The following ZFYVE1 variants were observed in gnomAD, a reference collection of about 807,000 sequenced individuals.
ZFYVE1 encodes the protein zinc finger FYVE domain-containing protein 1.
A neutral mutation model predicts 74.4 loss-of-function variants in ZFYVE1; 30 were observed. The ratio of observed to expected loss-of-function variants is 0.40; its 90% confidence interval spans 0.30 to 0.55. The LOEUF (loss-of-function observed/expected upper bound fraction) is 0.55. ZFYVE1 is among the 20% of genes least tolerant of loss of function. ZFYVE1 has a pLI of 0.42. For missense variants in ZFYVE1, 703 were observed against 1,011.6 expected (o/e 0.69, Z 4.14); for synonymous variants, 335 against 385.1 (o/e 0.87, Z 1.52).
chr14:72,970,061 C>A lies in ZFYVE1; in HGVS notation c.*821G>T. The A allele has an allele frequency of 2.9e-6, 1 of 342,368 alleles. No individual in the cohort carries two copies. The highest frequency in any genetic ancestry group is 4.0e-5 in the South Asian group (1 of 24,710). 21.2% of individuals were successfully genotyped at this position (342,368 alleles called of 1,614,324 possible). A position where few individuals can be genotyped will look rare whatever the true frequency, so the allele number is the denominator to read the frequency against. On this transcript the variant is annotated 3_prime_UTR_variant, in exon 12 of 12. Coordinates refer to ENST00000556143, the MANE Select transcript of ZFYVE1 (RefSeq NM_021260.4). ...GGAGGCAGATGCTTCGATTGAGGAG[C>A]TGGGTGCCGCCTTTTGGGAAAGCCG...
chr14:73,000,053 T>C (rs1230333379), intron 2 of ZFYVE1, among the ~76,000 whole-genome samples: 1 of 152,124 alleles, frequency 6.6e-6, no homozygotes, highest in African/African-American at 2.4e-5. Flanking sequence ...AACAAGAACC[T>C]GTCTCAAAAA....
chr14:72,976,730 C>T (rs1893180529), intron 8 of ZFYVE1, among the ~76,000 whole-genome samples: 1 of 150,708 alleles, frequency 6.6e-6, no homozygotes, highest in African/African-American at 2.4e-5. Flanking sequence ...TTGCAGTTAG[C>T]CGAGATCACA....
At chr14:73,006,373 G>A (rs1035796704) in intron 2 of ZFYVE1, among the ~76,000 whole-genome samples, 11 of 151,876 alleles carry the variant, frequency 7.2e-5, no homozygotes, top group Non-Finnish European at 1.5e-4. Context: ...CAGGGAGTTC[G>A]AGACCAGCCT....
intron 11 of ZFYVE1, among the ~76,000 whole-genome samples, chr14:72,973,126 ACCT>A (rs1327610493): frequency 6.6e-6 from 1 of 151,976 alleles, no homozygotes; most frequent in Non-Finnish European, 1.5e-5. Flanking sequence ...ATCTAGACAA[ACCT>A]GTGACGGCAG....
At chr14:73,008,756 C>G (rs1041585273) in intron 2 of ZFYVE1, among the ~76,000 whole-genome samples, 1 of 152,134 alleles carries the variant, frequency 6.6e-6, no homozygotes, top group Non-Finnish European at 1.5e-5. Flanking sequence ...GCTGTGAAAA[C>G]AGATGTAAGC....
At chr14:73,009,654 G>A (rs1894048816) in intron 2 of ZFYVE1, among the ~76,000 whole-genome samples, 1 of 152,186 alleles carries the variant, frequency 6.6e-6, no homozygotes, top group Admixed American at 6.5e-5. Flanking sequence ...TACTCAGGAG[G>A]CTGAGGCAGG....
chr14:73,004,772 T>C (rs1594855323), intron 2 of ZFYVE1, among the ~76,000 whole-genome samples: 1 of 152,082 alleles, frequency 6.6e-6, no homozygotes, highest in Admixed American at 6.6e-5. Flanking sequence ...CCAAAGCAGA[T>C]GGATCACTTG....
intron 5 of ZFYVE1, 96 bp from the exon 6 acceptor site, chr14:72,979,065 C>A: frequency 9.5e-7 from 1 of 1,055,368 alleles, no homozygotes. Context: ...AAGGCCACGA[C>A]CAGACCTTGA....
At chr14:73,023,441 ATTTTATAT>A (rs1567367118) in intron 2 of ZFYVE1, among the ~76,000 whole-genome samples, 1 of 132,474 alleles carries the variant, frequency 7.5e-6, no homozygotes, top group African/African-American at 2.8e-5. Flanking sequence ...TTATATATAT[ATTTTATAT>A]ATGTTTTATA....
At chr14:73,008,467 T>C (rs1245357679) in intron 2 of ZFYVE1, among the ~76,000 whole-genome samples, 1 of 152,080 alleles carries the variant, frequency 6.6e-6, no homozygotes, top group Non-Finnish European at 1.5e-5. Flanking sequence ...CTAATAAAAG[T>C]GTTTCTATGC....
At position 73,024,510 on chromosome 14, in the gene ZFYVE1, C is replaced by T; in HGVS notation, c.-2G>A. On this transcript the variant is annotated 5_prime_UTR_variant, in exon 2 of 12. Transcript: ENST00000556143. ...TGCTGGGGAAGTCTGGGCACTCATA[C>T]TCACGCTGGTAAGGAAACACACCCA... The T allele has an allele frequency of 6.3e-7, 1 of 1,592,134 alleles. No homozygotes were observed. The highest frequency in any genetic ancestry group is 8.6e-7 in the Non-Finnish European group (1 of 1,168,180).
At chr14:72,989,177 C>T (rs1440132370) in intron 4 of ZFYVE1, among the ~76,000 whole-genome samples, 3 of 152,154 alleles carry the variant, frequency 2.0e-5, no homozygotes, top group Non-Finnish European at 1.5e-5. Context: ...CTGCCTGTCT[C>T]AGCCTCCCAA....
At chr14:73,002,065 A>G (rs1266973101) in intron 2 of ZFYVE1, among the ~76,000 whole-genome samples, 1 of 152,224 alleles carries the variant, frequency 6.6e-6, no homozygotes, top group Non-Finnish European at 1.5e-5. Flanking sequence ...ATCAAATAAT[A>G]TTTGCTTGAC....
chr14:73,024,073 C>T lies in ZFYVE1; in HGVS notation c.436G>A (p.Glu146Lys), dbSNP rs1894401550. 2 of 1,614,212 alleles carry T rather than the reference C, an allele frequency of 1.2e-6. No homozygotes were observed. The highest frequency in any genetic ancestry group is 1.7e-6 in the Non-Finnish European group (2 of 1,180,042). Residue 146 changes from glutamate to lysine, a missense_variant, in exon 2 of 12, where the codon GAG (glutamate) becomes AAG (lysine). Transcript: ENST00000556143. ...ACTAGGAGGAAACTCACAACCTTCT[C>T]AGTCATCTTCTTCCTCTTGGTCTCC... ...DEETKRKKMT[E>K]KVVSFLLVDE...
intron 4 of ZFYVE1, among the ~76,000 whole-genome samples, chr14:72,982,269 A>AT (rs1893353219): frequency 6.6e-6 from 1 of 152,186 alleles, no homozygotes; most frequent in South Asian, 2.1e-4. Context: ...TCTTTAAGCC[A>AT]CAGGCAGAGC....
chr14:72,978,697 C>T (rs957600140), intron 6 of ZFYVE1, among the ~76,000 whole-genome samples, 164 bp downstream of exon 6: 8 of 150,034 alleles, frequency 5.3e-5, no homozygotes, highest in African/African-American at 2.0e-4. Context: ...CCAATGAAGA[C>T]ATGTGAGTGC....
At position 72,974,193 on chromosome 14, in the gene ZFYVE1, G is replaced by T; in HGVS notation, c.1988C>A (p.Ala663Asp). The T allele has an allele frequency of 1.9e-6, 3 of 1,613,848 alleles. No individual in the cohort carries two copies. Among genetic ancestry groups the T allele is most frequent in the Non-Finnish European group, 2.5e-6 (3 of 1,179,768 alleles). ...ATCGTCCACTTGTGCCTCGGTAACA[G>T]CTGTAGACAGTAATAAAGGAAATGC... ...NCYEARNVQLAVTEAQVDDEG... is the reference protein window; with the variant it reads ...NCYEARNVQLDVTEAQVDDEG... Residue 663 changes from alanine (A) to aspartate (D), a missense_variant and splice_region_variant, in exon 11 of 12, where the codon GCT (alanine) becomes GAT (aspartate). Physicochemically the swap from Ala to Asp is moderately radical, Grantham distance 126. This residue lies in a region of ZFYVE1 where 492 missense variants were observed against 790.0 expected (regional missense o/e 0.62). Transcript: ENST00000556143.
At chr14:72,978,441 T>A (rs927154983) in intron 6 of ZFYVE1, among the ~76,000 whole-genome samples, 1 of 151,392 alleles carries the variant, frequency 6.6e-6, no homozygotes, top group Non-Finnish European at 1.5e-5. Flanking sequence ...GTGGCACACA[T>A]CTGTAATCCC....
At position 72,992,630 on chromosome 14, in the gene ZFYVE1, T is replaced by TACCC. The variant is rs1324391955; in HGVS notation, c.1203+512_1203+513insGGGT. 3.3e-4 allele frequency among the ~76,000 whole-genome samples: 18 copies of TACCC among 55,304 alleles called. 1 individual carries two copies. Among genetic ancestry groups the TACCC allele is most frequent in the Non-Finnish European group, 7.2e-4 (17 of 23,734 alleles). 36.3% of individuals were successfully genotyped at this position (55,304 alleles called of 152,430 possible). A position where few individuals can be genotyped will look rare whatever the true frequency, so the allele number is the denominator to read the frequency against. On this transcript the variant is annotated intron_variant, in intron 4 of 11. Transcript: ENST00000556143. ...CCATTCAGGTGCCCCCCCCGCCCCT[T>TACCC]GCAAGAGAGAGAGAGCTGTTCTTTC...
Sources: gnomAD v4.1 joint callset for allele counts (sites outside exome capture counted in the v4.1 genomes callset) on GRCh38, gnomAD v4.1.1 for gene constraint, gnomAD v4.1.1 regional missense constraint, MANE v1.5 for transcripts, NCBI Gene and HGNC (gene_info 2026-07-23, HGNC 2026-07-21) for gene names.